RPS6KA5: variants seen among roughly 807,000 people sequenced by gnomAD.
RPS6KA5 encodes the protein ribosomal protein S6 kinase alpha-5.
Under a neutral mutation model 85.5 loss-of-function variants are expected in RPS6KA5, and 27 were observed. The ratio of observed to expected loss-of-function variants is 0.32; its 90% CI spans 0.23 to 0.44. The LOEUF (loss-of-function observed/expected upper bound fraction) is 0.44. RPS6KA5 is among the 20% of genes least tolerant of loss of function. RPS6KA5 has a pLI of 1.00. For missense variants in RPS6KA5, 811 were observed against 980.9 expected (o/e 0.83, Z 2.31); for synonymous variants, 334 against 348.2 (o/e 0.96, Z 0.46).
chr14:90,932,928 C>G (rs560443684), intron 5 of RPS6KA5, among the ~76,000 whole-genome samples: 15 of 152,264 alleles, frequency 9.9e-5, no homozygotes, highest in Non-Finnish European at 1.9e-4. Flanking sequence ...TTTCTCCCAT[C>G]TTAGGGGAAA....
chr14:90,965,502 T>C (rs2039018221), intron 3 of RPS6KA5, among the ~76,000 whole-genome samples: 1 of 152,188 alleles, frequency 6.6e-6, no homozygotes, highest in African/African-American at 2.4e-5. Flanking sequence ...TTGTAGCAAC[T>C]GGACCTGATC....
chr14:91,014,317 A>T (rs2139759649), intron 1 of RPS6KA5, among the ~76,000 whole-genome samples: 1 of 152,238 alleles, frequency 6.6e-6, no homozygotes. Flanking sequence ...CCTAGCCAAC[A>T]CGGTGAAACC....
chr14:90,986,410 C>T (rs1160665694), intron 2 of RPS6KA5, among the ~76,000 whole-genome samples: 1 of 151,532 alleles, frequency 6.6e-6, no homozygotes, highest in Middle Eastern at 3.2e-3. Context: ...TCCAGGTGTG[C>T]TTATTTCAAT....
At chr14:91,037,784 G>A (rs142206546) in intron 1 of RPS6KA5, among the ~76,000 whole-genome samples, 273 of 152,298 alleles carry the variant, frequency 1.8e-3, no homozygotes, top group Admixed American at 8.8e-3. Context: ...TACGAATAGC[G>A]TTCCCATGTT....
At chr14:91,054,230 A>G (rs2043213998) in intron 1 of RPS6KA5, among the ~76,000 whole-genome samples, 1 of 152,254 alleles carries the variant, frequency 6.6e-6, no homozygotes, top group Non-Finnish European at 1.5e-5. Context: ...AGCTAAAGCC[A>G]TAAACTCTTA....
intron 7 of RPS6KA5, chr14:90,911,429 A>G (rs1219822113): frequency 2.0e-5 from 3 of 152,160 alleles, no homozygotes; most frequent in South Asian, 2.1e-4. Context: ...TCCTCCATTT[A>G]AAAGTTCACA....
intron 2 of RPS6KA5, among the ~76,000 whole-genome samples, chr14:90,993,547 G>A (rs2040394841): frequency 1.3e-5 from 2 of 152,206 alleles, no homozygotes; most frequent in South Asian, 2.1e-4. Context: ...GTATACAAGT[G>A]TAGATTAACA....
At chr14:91,032,589 G>A (rs563766615) in intron 1 of RPS6KA5, among the ~76,000 whole-genome samples, 1 of 152,206 alleles carries the variant, frequency 6.6e-6, no homozygotes, top group South Asian at 2.1e-4. Flanking sequence ...AAGAGGCAGG[G>A]GCAACACATC....
intron 8 of RPS6KA5, among the ~76,000 whole-genome samples, 173 bp from the exon 9 acceptor site, chr14:90,903,142 T>C (rs1329341866): frequency 6.6e-6 from 1 of 152,140 alleles, no homozygotes; most frequent in Non-Finnish European, 1.5e-5. Context: ...CACAGCAGTT[T>C]ATAGCTCCAA....
chr14:90,939,491 T>C (rs2037456447), intron 5 of RPS6KA5, among the ~76,000 whole-genome samples: 2 of 152,178 alleles, frequency 1.3e-5, no homozygotes, highest in Non-Finnish European at 2.9e-5. Flanking sequence ...TAAAGATATA[T>C]CCAAGACTAG....
chr14:90,884,070 G>C (rs2034030093), intron 14 of RPS6KA5, among the ~76,000 whole-genome samples: 1 of 152,204 alleles, frequency 6.6e-6, no homozygotes. Flanking sequence ...TTGCAGTAAT[G>C]GTGGCAGGCA....
At chr14:91,023,362 C>T (rs1469868868) in intron 1 of RPS6KA5, among the ~76,000 whole-genome samples, 1 of 151,870 alleles carries the variant, frequency 6.6e-6, no homozygotes, top group Non-Finnish European at 1.5e-5. Context: ...GATCTCCTCA[C>T]TGCAACCTCT....
At chr14:90,919,870 T>C (rs757135966) in intron 7 of RPS6KA5, among the ~76,000 whole-genome samples, 1 of 152,142 alleles carries the variant, frequency 6.6e-6, no homozygotes, top group Non-Finnish European at 1.5e-5. Context: ...AAATTACATA[T>C]ACAGTAGAGA....
rs1259382115 is a variant in RPS6KA5, at chr14:90,858,581, T to C, written c.*13493A>G. 1.3e-5 allele frequency: 2 copies of C among 152,184 alleles called. No individual in the cohort carries two copies. Among genetic ancestry groups the C allele is most frequent in the African/African-American group, 4.8e-5 (2 of 41,436 alleles). 9.4% of individuals were successfully genotyped at this position (152,184 alleles called of 1,614,324 possible). A position where few individuals can be genotyped will look rare whatever the true frequency, so the allele number is the denominator to read the frequency against. Reference sequence around the variant, plus strand: ...GGCAAAGTTATCTTGGGGTAAATACTGCAGCAGCAAGTGCTGCTGGCAAGT... The same window carrying C: ...GGCAAAGTTATCTTGGGGTAAATACCGCAGCAGCAAGTGCTGCTGGCAAGT... On this transcript the variant is annotated 3_prime_UTR_variant, in exon 17 of 17. Transcript: ENST00000614987.
chr14:90,962,459 G>T (rs746462525), intron 3 of RPS6KA5, among the ~76,000 whole-genome samples: 11 of 151,786 alleles, frequency 7.2e-5, no homozygotes, highest in Non-Finnish European at 1.6e-4. Context: ...GCAAAATTTT[G>T]TACTTTTAGT....
chr14:90,938,602 G>A (rs1037224558), intron 5 of RPS6KA5, among the ~76,000 whole-genome samples: 1 of 152,188 alleles, frequency 6.6e-6, no homozygotes, highest in Non-Finnish European at 1.5e-5. Context: ...TCTAGGCGGA[G>A]GTTCCCAAAC....
At position 91,051,218 on chromosome 14, in the gene RPS6KA5, G is replaced by A. The variant is rs140219635; in HGVS notation, c.103+9114C>T. Among the ~76,000 whole-genome samples, 718 of 151,832 alleles carry A rather than the reference G, an allele frequency of 4.7e-3. 7 individuals are homozygous for A. Among genetic ancestry groups the A allele is most frequent in the Middle Eastern group, 0.01 (3 of 292 alleles). ...CACGCCATTGCACTCCAGCCTGAGCGACAGAGTGGGACCCTGTCTAAATAA... is the reference window on the plus strand; with the variant it reads ...CACGCCATTGCACTCCAGCCTGAGCAACAGAGTGGGACCCTGTCTAAATAA... On this transcript the variant is annotated intron_variant, in intron 1 of 16. Transcript: ENST00000614987.
At chr14:90,909,729 A>C (rs2035697223) in intron 7 of RPS6KA5, among the ~76,000 whole-genome samples, 1 of 152,232 alleles carries the variant, frequency 6.6e-6, no homozygotes, top group Non-Finnish European at 1.5e-5. Context: ...ATTAATAGCC[A>C]AATCAAGTGA....
In RPS6KA5 at chr14:90,923,102, A is replaced by C; in HGVS notation, c.702+11T>G. On this transcript the variant is annotated intron_variant, in intron 6 of 16. Coordinates refer to ENST00000614987, the MANE Select transcript of RPS6KA5 (RefSeq NM_004755.4). Reference sequence around the variant, plus strand: ...AGAAATACATAAAGAAGCATCAAAAATAGAACATACCTTGTCATGTCCTGA... The same window carrying C: ...AGAAATACATAAAGAAGCATCAAAACTAGAACATACCTTGTCATGTCCTGA... 1 of 1,588,898 alleles carries C rather than the reference A, an allele frequency of 6.3e-7. No individual in the cohort carries two copies. The highest frequency in any genetic ancestry group is 1.1e-5 in the South Asian group (1 of 90,060).
Sources: allele counts gnomAD v4.1 joint callset (sites outside exome capture counted in the v4.1 genomes callset), GRCh38; gene constraint gnomAD v4.1.1; transcripts MANE v1.5; gene names NCBI Gene and HGNC (gene_info 2026-07-23, HGNC 2026-07-21).